Variants in WDR82 observed in about 807,000 individuals in gnomAD.
WDR82 encodes WD repeat domain 82, also known as WD repeat-containing protein 82.
WDR82 carries 8 observed loss-of-function variants against 36.1 expected under a neutral mutation model. The observed-to-expected ratio is 0.22, with a 90% CI of 0.13 to 0.40. WDR82 has a LOEUF of 0.40. Ranked by LOEUF, WDR82 falls within the 10% of genes least tolerant of loss-of-function variation. WDR82 has a pLI of 1.00. For synonymous variants in WDR82, 129 were observed against 137.8 expected (o/e 0.94, Z 0.45); for missense variants, 185 against 400.5 (o/e 0.46, Z 4.59).
chr3:52,260,754 C>A (rs1192625989), intron 4 of WDR82, among the ~76,000 whole-genome samples: 1 of 152,244 alleles, frequency 6.6e-6, no homozygotes, highest in Non-Finnish European at 1.5e-5. Flanking sequence ...AATTTCTGAT[C>A]AACTCTAACT....
chr3:52,267,372 A>G (rs1323902075), intron 2 of WDR82: 4 of 231,580 alleles, frequency 1.7e-5, no homozygotes, highest in Non-Finnish European at 3.4e-5. Flanking sequence ...ATACTGGTCT[A>G]GTGTCCACAG....
Position 52,254,583 on chromosome 3 carries a change from A to C in WDR82, c.*2907T>G, listed in dbSNP as rs547132630. 5 of 152,714 alleles carry C rather than the reference A, an allele frequency of 3.3e-5. No individual in the cohort carries two copies. The highest frequency in any genetic ancestry group is 7.3e-5 in the Non-Finnish European group (5 of 68,056). 9.5% of individuals were successfully genotyped at this position (152,714 alleles called of 1,614,324 possible). On this transcript the variant is annotated 3_prime_UTR_variant, in exon 9 of 9. Coordinates refer to ENST00000296490, the MANE Select transcript of WDR82 (RefSeq NM_025222.4). ...GGGAACATTTAACACCAAAAGATTA[A>C]CAGTGGTAGCATTTGGGTGGCAAAC...
Position 52,257,538 on chromosome 3 carries a change from T to C in WDR82, c.913-19A>G. 6.2e-7 allele frequency: 1 copy of C among 1,614,006 alleles called. No individual in the cohort carries two copies. The highest frequency in any genetic ancestry group is 8.5e-7 in the Non-Finnish European group (1 of 1,180,000). ...AAAAGGCCTAGAAGGAGAACATAAA[T>C]CAACTTTAAAAAGCCAAGCATCTCC... On this transcript the variant is annotated intron_variant, in intron 8 of 8. Coordinates refer to ENST00000296490, the MANE Select transcript of WDR82 (RefSeq NM_025222.4).
chr3:52,276,983 G>A (rs1233044480), intron 1 of WDR82, among the ~76,000 whole-genome samples: 2 of 149,084 alleles, frequency 1.3e-5, no homozygotes, highest in Admixed American at 6.7e-5. Flanking sequence ...GAAGAGATAT[G>A]TTCCAAAAGA....
chr3:52,270,904 A>G, intron 1 of WDR82, 95 bp from the exon 2 acceptor site: 1 of 917,374 alleles, frequency 1.1e-6, no homozygotes, highest in Non-Finnish European at 1.6e-6. Context: ...GATGTGGCAA[A>G]GGTGAGGATT....
In WDR82 at chr3:52,265,301, A is replaced by G. The variant is rs1349692811; in HGVS notation, c.326+1651T>C. On this transcript the variant is annotated intron_variant, in intron 3 of 8. Transcript: ENST00000296490. ...GGCGACAGAGCGAGACTCTGTCTCA[A>G]AAAAAAAAAAAAAAAAAAAAAAAAA... Among the ~76,000 whole-genome samples the G allele has an allele frequency of 1.9e-4, 6 of 31,566 alleles. No individual in the cohort carries two copies. In the South Asian group the frequency reaches 3.1e-3, roughly 16 times the overall value. The allele number at this position is 31,566 out of a possible 152,430, so 20.7% of individuals were successfully genotyped here.
intron 2 of WDR82, 113 bp downstream of exon 2, chr3:52,270,599 T>C (rs1176411960): frequency 1.2e-6 from 1 of 801,580 alleles, no homozygotes; most frequent in East Asian, 2.6e-5. Context: ...TTACTAACAT[T>C]ATATGAAAAT....
chr3:52,273,126 C>G (rs1578011549), intron 1 of WDR82, among the ~76,000 whole-genome samples: 4 of 152,292 alleles, frequency 2.6e-5, no homozygotes, highest in South Asian at 4.1e-4. Context: ...TTCATCCCAT[C>G]TACAATAGCA....
At chr3:52,274,546 C>T (rs1700185277) in intron 1 of WDR82, among the ~76,000 whole-genome samples, 1 of 151,768 alleles carries the variant, frequency 6.6e-6, no homozygotes, top group Non-Finnish European at 1.5e-5. Flanking sequence ...GCCTGAGCAA[C>T]AGGGGAAGAC....
chr3:52,277,920 G>A lies in WDR82; in HGVS notation c.161+281C>T, dbSNP rs541279515. On this transcript the variant is annotated intron_variant, in intron 1 of 8. Coordinates refer to ENST00000296490, the MANE Select transcript of WDR82 (RefSeq NM_025222.4). The stretch of plus-strand genomic sequence containing the variant: ...GGGTGGGCGGACCGGGCGTTTAAAG[G>A]TCAAGGTCAAGGTGGGGTTTGGCAA... 5.9e-5 allele frequency among the ~76,000 whole-genome samples: 9 copies of A among 152,340 alleles called. No homozygotes were observed. In the South Asian group the frequency reaches 1.9e-3, roughly 32 times the overall value.
chr3:52,255,515 C>T lies in WDR82; in HGVS notation c.*1975G>A, dbSNP rs1357969653. 13 of 152,030 alleles carry T rather than the reference C, an allele frequency of 8.6e-5. No individual in the cohort carries two copies. Among genetic ancestry groups the T allele is most frequent in the African/African-American group, 2.4e-4 (10 of 41,360 alleles). 9.4% of individuals were successfully genotyped at this position (152,030 alleles called of 1,614,324 possible). On this transcript the variant is annotated 3_prime_UTR_variant, in exon 9 of 9. Coordinates refer to ENST00000296490, the MANE Select transcript of WDR82 (RefSeq NM_025222.4). ...GTTCTTCCTCTCTGGGAAAGCAGAA[C>T]TATACAGTGGGTGGCATCCTGCAGA...
chr3:52,277,961 CA>C (rs1700221858), intron 1 of WDR82, among the ~76,000 whole-genome samples: 1 of 151,906 alleles, frequency 6.6e-6, no homozygotes, highest in African/African-American at 2.4e-5. Flanking sequence ...GCATAGCGCT[CA>C]AAGGAGACCG....
intron 6 of WDR82, among the ~76,000 whole-genome samples, 156 bp from the exon 7 acceptor site, chr3:52,259,422 C>A (rs1036899797): frequency 6.6e-6 from 1 of 152,198 alleles, no homozygotes; most frequent in African/African-American, 2.4e-5. Context: ...TGGTTGCCAT[C>A]GTTGACAATC....
In WDR82 at chr3:52,260,515, A is replaced by C. The variant is rs765679514; in HGVS notation, c.427-14T>G. 9.6e-5 allele frequency: 148 copies of C among 1,540,322 alleles called. No homozygotes were observed. Among genetic ancestry groups the C allele is most frequent in the Middle Eastern group, 8.7e-4 (5 of 5,778 alleles). On this transcript the variant is annotated splice_polypyrimidine_tract_variant and intron_variant, in intron 4 of 8. Transcript: ENST00000296490. ...ATGCATGAGGCCCTAAGAGAAAAGA[A>C]ATAAGAAATACACTAAAACACACAT...
At chr3:52,270,608 A>G in intron 2 of WDR82, 104 bp downstream of exon 2, 1 of 857,000 alleles carries the variant, frequency 1.2e-6, no homozygotes, top group Non-Finnish European at 1.8e-6. Context: ...TTATATGAAA[A>G]TACTTAAACT....
chr3:52,258,718 G>T (rs760523474), intron 7 of WDR82, 40 bp from the exon 8 acceptor site: 1 of 1,612,364 alleles, frequency 6.2e-7, no homozygotes, highest in African/African-American at 1.3e-5. Flanking sequence ...AGCTCAAGGC[G>T]CAATACAAAG....
rs1400571534 is a variant in WDR82 at position 52,255,356 on chromosome 3, T to A, written c.*2134A>T. 1 of 152,156 alleles carries A rather than the reference T, an allele frequency of 6.6e-6. No homozygotes were observed. Among genetic ancestry groups the A allele is most frequent in the Non-Finnish European group, 1.5e-5 (1 of 68,030 alleles). 9.4% of individuals were successfully genotyped at this position (152,156 alleles called of 1,614,324 possible). A position where few individuals can be genotyped will look rare whatever the true frequency, so the allele number is the denominator to read the frequency against. ...TTGGTGGCTGCTCTGGTTGCAGATA[T>A]GTGAAGTTAGGTAGCCTTTCCTGTT... On this transcript the variant is annotated 3_prime_UTR_variant, in exon 9 of 9. Transcript: ENST00000296490.
rs1700018244 is a variant in WDR82, at chr3:52,257,295, A to G, written c.*195T>C. 2 of 682,028 alleles carry G rather than the reference A, an allele frequency of 2.9e-6. No homozygotes were observed. The highest frequency in any genetic ancestry group is 4.9e-6 in the Non-Finnish European group (2 of 408,830). 42.2% of individuals were successfully genotyped at this position (682,028 alleles called of 1,614,324 possible). A position where few individuals can be genotyped will look rare whatever the true frequency, so the allele number is the denominator to read the frequency against. On this transcript the variant is annotated 3_prime_UTR_variant, in exon 9 of 9. Coordinates refer to ENST00000296490, the MANE Select transcript of WDR82 (RefSeq NM_025222.4). Reference sequence around the variant, plus strand: ...AGTTCCAATTGAGTCTGTTGCACCAAGAGTCCTTTTGAAGACGCTCATCAA... The same window carrying G: ...AGTTCCAATTGAGTCTGTTGCACCAGGAGTCCTTTTGAAGACGCTCATCAA...
Position 52,255,125 on chromosome 3 carries a change from A to G in WDR82, c.*2365T>C, listed in dbSNP as rs917711768. 2.6e-5 allele frequency: 4 copies of G among 152,108 alleles called. No homozygotes were observed. The highest frequency in any genetic ancestry group is 9.7e-5 in the African/African-American group (4 of 41,402). 9.4% of individuals were successfully genotyped at this position (152,108 alleles called of 1,614,324 possible). On this transcript the variant is annotated 3_prime_UTR_variant, in exon 9 of 9. Coordinates refer to ENST00000296490, the MANE Select transcript of WDR82 (RefSeq NM_025222.4). ...GCCCGGCTAATTTTGTATTTTTAGT[A>G]GAGATGGGGTTTCTCCATGTTGGTC...
Sources: gnomAD v4.1 joint callset for allele counts (sites outside exome capture counted in the v4.1 genomes callset) on GRCh38, gnomAD v4.1.1 for gene constraint, MANE v1.5 for transcripts, NCBI Gene and HGNC (gene_info 2026-07-23, HGNC 2026-07-21) for gene names.